The following NTM variants were observed in gnomAD, a reference collection of about 807,000 sequenced individuals.
NTM encodes neurotrimin.
NTM carries 13 observed loss-of-function variants against 42.1 expected under a neutral mutation model. That is an observed-to-expected ratio of 0.31 (90% confidence interval 0.20 to 0.49). The LOEUF (loss-of-function observed/expected upper bound fraction) is 0.49. Among genes scored for constraint, NTM ranks in the 20% least tolerant of loss-of-function variants. The pLI is 0.99. For missense variants in NTM, 373 were observed against 452.8 expected (o/e 0.82, Z 1.60); for synonymous variants, 187 against 179.2 (o/e 1.04, Z -0.35).
chr11:132,120,075 G>A (rs11222943), intron 2 of NTM, among the ~76,000 whole-genome samples: 19,375 of 152,016 alleles, frequency 0.13, 1,475 homozygotes, highest in South Asian at 0.2. Flanking sequence ...TGAGCCCCCC[G>A]CTTGCCTTCC....
At chr11:131,932,975 A>G (rs1320991537) in intron 2 of NTM, among the ~76,000 whole-genome samples, 1 of 152,222 alleles carries the variant, frequency 6.6e-6, no homozygotes, top group African/African-American at 2.4e-5. Flanking sequence ...TAATAAATAG[A>G]CAGGGGAGCA....
At chr11:132,140,820 C>G (rs1183712908) in intron 2 of NTM, among the ~76,000 whole-genome samples, 3 of 152,138 alleles carry the variant, frequency 2.0e-5, no homozygotes, top group African/African-American at 7.2e-5. Context: ...CCCTATGATG[C>G]TTGAGGGGAG....
At chr11:132,066,242 C>A (rs1281973965) in intron 2 of NTM, among the ~76,000 whole-genome samples, 2 of 152,186 alleles carry the variant, frequency 1.3e-5, no homozygotes, top group Non-Finnish European at 2.9e-5. Context: ...CTACTTCTTC[C>A]AAATGCTCTG....
intron 1 of NTM, among the ~76,000 whole-genome samples, chr11:131,855,910 G>A (rs184989912): frequency 1.5e-3 from 222 of 152,296 alleles, no homozygotes; most frequent in Non-Finnish European, 2.2e-3. Context: ...ACACACGTCA[G>A]ATATTTATGA....
intron 1 of NTM, among the ~76,000 whole-genome samples, chr11:131,808,527 A>G (rs2092609673): frequency 6.6e-6 from 1 of 152,216 alleles, no homozygotes. Context: ...AAATAAGTTC[A>G]ATCAAAATTT....
chr11:131,679,068 C>T (rs894903173), intron 1 of NTM, among the ~76,000 whole-genome samples: 1 of 152,226 alleles, frequency 6.6e-6, no homozygotes, highest in African/African-American at 2.4e-5. Context: ...TGTCCACTCT[C>T]TTCTCCATTC....
intron 2 of NTM, among the ~76,000 whole-genome samples, chr11:131,934,334 A>C (rs948718898): frequency 6.6e-6 from 1 of 152,216 alleles, no homozygotes; most frequent in South Asian, 2.1e-4. Flanking sequence ...CTCTGCAGTC[A>C]GCTGAGAAGT....
intron 2 of NTM, among the ~76,000 whole-genome samples, chr11:132,009,056 A>T (rs1183564774): frequency 6.6e-6 from 1 of 151,612 alleles, no homozygotes; most frequent in Admixed American, 6.6e-5. Context: ...TCCTGCACAC[A>T]CTCTGCTTCC....
chr11:132,025,534 T>G (rs1306965223), intron 2 of NTM, among the ~76,000 whole-genome samples: 3 of 152,240 alleles, frequency 2.0e-5, no homozygotes, highest in Middle Eastern at 6.8e-3. Context: ...ATTCTTGGGG[T>G]TGAGTCAAGG....
At chr11:132,319,982 C>T (rs546013807) in intron 7 of NTM, among the ~76,000 whole-genome samples, 17 of 152,266 alleles carry the variant, frequency 1.1e-4, no homozygotes, top group East Asian at 3.9e-4. Flanking sequence ...CTGCAGCCTC[C>T]GCTGCTGATA....
intron 4 of NTM, among the ~76,000 whole-genome samples, chr11:132,254,708 G>T (rs932647145): frequency 2.6e-5 from 4 of 152,128 alleles, no homozygotes; most frequent in Admixed American, 6.5e-5. Flanking sequence ...TGTGGTGATG[G>T]TGATGGCTGC....
intron 1 of NTM, among the ~76,000 whole-genome samples, chr11:131,504,106 C>G (rs2047183766): frequency 6.6e-6 from 1 of 152,178 alleles, no homozygotes; most frequent in Non-Finnish European, 1.5e-5. Flanking sequence ...GCCCCACCAG[C>G]TTCCTCCAGG....
intron 4 of NTM, among the ~76,000 whole-genome samples, chr11:132,219,845 GA>G (rs2084767616): frequency 6.6e-6 from 1 of 152,128 alleles, no homozygotes; most frequent in Non-Finnish European, 1.5e-5. Context: ...CGTGAGAAAA[GA>G]ACGGAAGGGA....
intron 2 of NTM, among the ~76,000 whole-genome samples, chr11:132,056,968 G>T (rs1566045805): frequency 1.3e-5 from 2 of 152,158 alleles, no homozygotes; most frequent in Non-Finnish European, 2.9e-5. Flanking sequence ...CGCCTGCTTT[G>T]TCGTATAGCA....
At chr11:132,305,396 T>C (rs2095041622) in intron 4 of NTM, among the ~76,000 whole-genome samples, 1 of 152,250 alleles carries the variant, frequency 6.6e-6, no homozygotes. Flanking sequence ...CAGAAACAGC[T>C]GTCCAGAGCT....
chr11:131,442,196 T>C (rs1472106463), intron 1 of NTM, among the ~76,000 whole-genome samples: 1 of 152,160 alleles, frequency 6.6e-6, no homozygotes, highest in Admixed American at 6.5e-5. Context: ...GAACCCGTGA[T>C]TGTGGCATTT....
chr11:132,135,434 T>C (rs2137146203), intron 2 of NTM, among the ~76,000 whole-genome samples: 2 of 152,354 alleles, frequency 1.3e-5, no homozygotes, highest in South Asian at 4.1e-4. Context: ...TAGAGGCAGA[T>C]TCTGGGATAC....
intron 1 of NTM, among the ~76,000 whole-genome samples, chr11:131,587,164 G>C (rs1464955274): frequency 6.6e-6 from 1 of 152,156 alleles, no homozygotes; most frequent in Non-Finnish European, 1.5e-5. Context: ...AGGTAGCTAA[G>C]GCACAGAAAG....
rs144106029 is a variant in NTM, at chr11:131,916,928, T to G, written c.167+5280T>G. ...CTACCCTGATCTTCCCATGGACAGC[T>G]GTTTCTTGTCATTTTGGCCTAAGCT... On this transcript the variant is annotated intron_variant, in intron 2 of 8. Transcript: ENST00000683400. 4.3e-3 allele frequency among the ~76,000 whole-genome samples: 649 copies of G among 152,332 alleles called. 6 individuals are homozygous for G. The highest frequency in any genetic ancestry group is 0.015 in the African/African-American group (620 of 41,584).
Sources: allele counts gnomAD v4.1 joint callset (sites outside exome capture counted in the v4.1 genomes callset), GRCh38; gene constraint gnomAD v4.1.1; transcripts MANE v1.5; gene names NCBI Gene and HGNC (gene_info 2026-07-23, HGNC 2026-07-21).